Variants in SHISA9 observed in about 807,000 individuals in gnomAD.
SHISA9 encodes protein shisa-9.
In SHISA9, 13 loss-of-function variants were observed where a neutral mutation model predicts 38.0. The observed-to-expected ratio is 0.34, with a 90% CI of 0.22 to 0.54. The LOEUF (loss-of-function observed/expected upper bound fraction) is 0.54, where lower values mean the gene tolerates loss of function less well. Among genes scored for constraint, SHISA9 ranks in the 20% least tolerant of loss-of-function variants. The pLI is 0.91. For missense variants in SHISA9, 538 were observed against 575.8 expected (o/e 0.93, Z 0.67); for synonymous variants, 275 against 242.0 (o/e 1.14, Z -1.27).
chr16:12,938,403 C>T (rs1341271137), intron 2 of SHISA9, among the ~76,000 whole-genome samples: 1 of 152,228 alleles, frequency 6.6e-6, no homozygotes, highest in East Asian at 1.9e-4. Flanking sequence ...TCTGTTTCTT[C>T]CACTCCCATG....
chr16:12,990,554 G>C (rs574029174), intron 2 of SHISA9, among the ~76,000 whole-genome samples: 1 of 152,292 alleles, frequency 6.6e-6, no homozygotes, highest in African/African-American at 2.4e-5. Context: ...TGGACATTTA[G>C]GAGGTTTACA....
chr16:13,473,912 C>T, the SHISA9 span, among the ~76,000 whole-genome samples: 2 of 152,234 alleles, frequency 1.3e-5, no homozygotes, highest in East Asian at 1.9e-4. Context: ...CAACCAGAAG[C>T]ACATATATGA....
the SHISA9 span, among the ~76,000 whole-genome samples, chr16:13,293,246 G>A: frequency 1.7e-4 from 26 of 152,136 alleles, no homozygotes; most frequent in African/African-American, 4.3e-4. Context: ...ACGCACGCGC[G>A]CAAACACACA....
intron 2 of SHISA9, among the ~76,000 whole-genome samples, chr16:13,013,495 G>A (rs1427599904): frequency 1.3e-5 from 2 of 152,146 alleles, no homozygotes; most frequent in Non-Finnish European, 2.9e-5. Flanking sequence ...TCTAAGTTCC[G>A]CGTGGCTAGG....
At chr16:13,260,955 G>T in the SHISA9 span, among the ~76,000 whole-genome samples, 1 of 152,146 alleles carries the variant, frequency 6.6e-6, no homozygotes, top group Non-Finnish European at 1.5e-5. Flanking sequence ...CATGGTGGCA[G>T]CAAGAGAAAA....
the SHISA9 span, among the ~76,000 whole-genome samples, chr16:13,292,485 A>T: frequency 6.6e-6 from 1 of 152,120 alleles, no homozygotes; most frequent in South Asian, 2.1e-4. Flanking sequence ...CTAGTGACAG[A>T]TTTTCTAAGC....
At chr16:13,493,815 GGAA>G in the SHISA9 span, among the ~76,000 whole-genome samples, 1 of 152,096 alleles carries the variant, frequency 6.6e-6, no homozygotes, top group Non-Finnish European at 1.5e-5. Flanking sequence ...ATTATAGAAG[GGAA>G]GAAGACACAG....
At chr16:13,506,392 C>T in the SHISA9 span, among the ~76,000 whole-genome samples, 1 of 152,022 alleles carries the variant, frequency 6.6e-6, no homozygotes, top group Non-Finnish European at 1.5e-5. Context: ...AAGGATGATA[C>T]AGAGGTAATG....
At position 13,210,033 on chromosome 16, in the gene SHISA9, G is replaced by A. The variant is rs140944724; in HGVS notation, c.848-3220G>A. On this transcript the variant is annotated intron_variant, in intron 3 of 4. Coordinates refer to ENST00000558583, the MANE Select transcript of SHISA9 (RefSeq NM_001145204.3). ...GGAGAATGGCGTGAACCCGGGAGGC[G>A]GAGCTCGCAGTGAGCCAAGATCACA... is the stretch of plus-strand genomic sequence containing the variant. 2.2e-3 allele frequency among the ~76,000 whole-genome samples: 328 copies of A among 152,204 alleles called. 1 individual carries two copies. The highest frequency in any genetic ancestry group is 7.5e-3 in the African/African-American group (311 of 41,532).
At chr16:13,344,328 C>T in the SHISA9 span, among the ~76,000 whole-genome samples, 6 of 152,198 alleles carry the variant, frequency 3.9e-5, no homozygotes, top group South Asian at 2.1e-4. Context: ...AATTCATCTA[C>T]GAAAGGTTTG....
At chr16:13,443,027 T>C in the SHISA9 span, among the ~76,000 whole-genome samples, 1 of 152,170 alleles carries the variant, frequency 6.6e-6, no homozygotes, top group African/African-American at 2.4e-5. Context: ...ATCAGAGCCA[T>C]AACTCACTGA....
intron 2 of SHISA9, among the ~76,000 whole-genome samples, chr16:13,085,310 A>C (rs1355744710): frequency 6.6e-6 from 1 of 152,132 alleles, no homozygotes; most frequent in Non-Finnish European, 1.5e-5. Flanking sequence ...ATAATTATTA[A>C]GGAAGAGCTA....
At chr16:13,190,782 A>G (rs2050877368) in intron 2 of SHISA9, among the ~76,000 whole-genome samples, 1 of 151,890 alleles carries the variant, frequency 6.6e-6, no homozygotes, top group Non-Finnish European at 1.5e-5. Flanking sequence ...ATATTTAACA[A>G]CTCTAGTTTT....
chr16:12,965,291 A>G (rs1425312666), intron 2 of SHISA9, among the ~76,000 whole-genome samples: 3 of 152,214 alleles, frequency 2.0e-5, no homozygotes, highest in Non-Finnish European at 2.9e-5. Flanking sequence ...AAGGTGTACA[A>G]TTCAGTGGTT....
At chr16:13,370,923 A>T in the SHISA9 span, among the ~76,000 whole-genome samples, 3 of 152,296 alleles carry the variant, frequency 2.0e-5, no homozygotes, top group Non-Finnish European at 4.4e-5. Flanking sequence ...TTAGTGCTTT[A>T]AGTGATAGGG....
At chr16:13,372,701 T>C in the SHISA9 span, among the ~76,000 whole-genome samples, 1 of 152,254 alleles carries the variant, frequency 6.6e-6, no homozygotes, top group African/African-American at 2.4e-5. Context: ...GAAGCTCTTT[T>C]GATGTGCAAA....
At chr16:13,355,058 G>A in the SHISA9 span, among the ~76,000 whole-genome samples, 1 of 149,712 alleles carries the variant, frequency 6.7e-6, no homozygotes, top group Non-Finnish European at 1.5e-5. Flanking sequence ...TTGAGATCTA[G>A]AACAGAATAA....
the SHISA9 span, among the ~76,000 whole-genome samples, chr16:13,271,964 A>G: frequency 6.6e-6 from 1 of 152,080 alleles, no homozygotes; most frequent in Non-Finnish European, 1.5e-5. Context: ...CTGTAATCCC[A>G]GCTACTTCGG....
At chr16:13,010,019 A>C (rs1393284515) in intron 2 of SHISA9, among the ~76,000 whole-genome samples, 1 of 152,160 alleles carries the variant, frequency 6.6e-6, no homozygotes, top group Non-Finnish European at 1.5e-5. Flanking sequence ...CTGCAATCAA[A>C]TAAAAAAAAT....
Sources: gnomAD v4.1 joint callset for allele counts (sites outside exome capture counted in the v4.1 genomes callset) on GRCh38, gnomAD v4.1.1 for gene constraint, MANE v1.5 for transcripts, NCBI Gene and HGNC (gene_info 2026-07-23, HGNC 2026-07-21) for gene names.